The following RSRC1 variants were observed in gnomAD, a reference collection of about 807,000 sequenced individuals.
The protein encoded by RSRC1 is arginine and serine rich coiled-coil 1, also known as serine/Arginine-related protein 53.
RSRC1 carries 39 observed loss-of-function variants against 49.1 expected under a neutral mutation model. The observed-to-expected ratio is 0.79, with a 90% CI of 0.61 to 1.04. The LOEUF (loss-of-function observed/expected upper bound fraction) is 1.04, where lower values mean the gene tolerates loss of function less well. Ranked by LOEUF, RSRC1 falls within the 50% of genes least tolerant of loss-of-function variation. The pLI, the probability that RSRC1 is intolerant of heterozygous loss-of-function variation, is 0.00. For synonymous variants in RSRC1, 143 were observed against 130.8 expected (o/e 1.09, Z -0.63); for missense variants, 388 against 402.4 (o/e 0.96, Z 0.31).
intron 4 of RSRC1, among the ~76,000 whole-genome samples, chr3:158,271,236 A>G (rs1725500758): frequency 6.6e-6 from 1 of 152,192 alleles, no homozygotes; most frequent in Admixed American, 6.5e-5. Context: ...GGGATTATAA[A>G]AGGATTAAAA....
intron 4 of RSRC1, among the ~76,000 whole-genome samples, chr3:158,215,449 G>A (rs1363817985): frequency 1.3e-5 from 2 of 151,282 alleles, no homozygotes; most frequent in East Asian, 1.9e-4. Flanking sequence ...CTGAGAGTTA[G>A]TCTTTTAATT....
intron 3 of RSRC1, chr3:158,131,939 A>G (rs1004163612): frequency 5.4e-5 from 10 of 185,026 alleles, no homozygotes; most frequent in African/African-American, 2.3e-4. Flanking sequence ...CACACTGTAA[A>G]GGCCAGCATA....
intron 1 of RSRC1, among the ~76,000 whole-genome samples, chr3:158,115,480 T>G (rs1025085106): frequency 1.3e-5 from 2 of 152,150 alleles, no homozygotes; most frequent in African/African-American, 2.4e-5. Flanking sequence ...TCTGAAACAT[T>G]GTTGAGGACT....
At chr3:158,406,971 G>A (rs1182856308) in intron 6 of RSRC1, among the ~76,000 whole-genome samples, 1 of 152,044 alleles carries the variant, frequency 6.6e-6, no homozygotes, top group Non-Finnish European at 1.5e-5. Context: ...GTTTAGACCC[G>A]AGTAGGAGGA....
At chr3:158,144,961 T>C (rs1230807826) in intron 3 of RSRC1, among the ~76,000 whole-genome samples, 1 of 152,220 alleles carries the variant, frequency 6.6e-6, no homozygotes, top group Non-Finnish European at 1.5e-5. Flanking sequence ...TCATATCCTT[T>C]GCCCACTTGT....
chr3:158,242,032 C>CTTTTTTTTT lies in RSRC1; in HGVS notation c.494+38805_494+38813dup, dbSNP rs34356543. The stretch of plus-strand genomic sequence containing the variant: ...TTCTTTGTTTTTCTTAATTTCCAAC[C>CTTTTTTTTT]TTTTTTTTTTTTTTTTTTTTTTTTT... On this transcript the variant is annotated intron_variant, in intron 4 of 9. Coordinates refer to ENST00000611884, the MANE Select transcript of RSRC1 (RefSeq NM_001271838.2). Among the ~76,000 whole-genome samples, 6 of 66,616 alleles carry CTTTTTTTTT rather than the reference C, an allele frequency of 9.0e-5. 1 individual carries two copies. Among genetic ancestry groups the CTTTTTTTTT allele is most frequent in the African/African-American group, 2.6e-4 (4 of 15,298 alleles). The allele number at this position is 66,616 out of a possible 152,430, so 43.7% of individuals were successfully genotyped here.
intron 8 of RSRC1, among the ~76,000 whole-genome samples, chr3:158,540,201 A>G (rs1165969487): frequency 6.6e-6 from 1 of 152,182 alleles, no homozygotes; most frequent in Non-Finnish European, 1.5e-5. Context: ...TAGGGCCACA[A>G]ACCATCTAGG....
intron 5 of RSRC1, among the ~76,000 whole-genome samples, chr3:158,302,307 C>T (rs1727598112): frequency 6.6e-6 from 1 of 152,088 alleles, no homozygotes; most frequent in South Asian, 2.1e-4. Context: ...AGTGATGCTG[C>T]ATACTCAGTG....
chr3:158,370,693 T>C (rs1393229172), intron 6 of RSRC1, among the ~76,000 whole-genome samples: 1 of 151,882 alleles, frequency 6.6e-6, no homozygotes, highest in Non-Finnish European at 1.5e-5. Context: ...ATGGTTTTTA[T>C]GAGTAAAGCT....
chr3:158,536,284 TTAGAA>T (rs916246993), intron 7 of RSRC1, among the ~76,000 whole-genome samples: 2 of 151,412 alleles, frequency 1.3e-5, no homozygotes, highest in African/African-American at 2.4e-5. Context: ...AAGAATATCA[TTAGAA>T]TAAAATCAGC....
chr3:158,211,544 A>G (rs990491164), intron 4 of RSRC1, among the ~76,000 whole-genome samples: 14 of 152,106 alleles, frequency 9.2e-5, no homozygotes, highest in Middle Eastern at 3.4e-3. Context: ...GCCTGTTTAT[A>G]GAAAAGAATT....
In RSRC1 at chr3:158,512,475, T is replaced by C. The variant is rs1384449196; in HGVS notation, c.653-24617T>C. Among the ~76,000 whole-genome samples the C allele has an allele frequency of 7.2e-5, 11 of 152,206 alleles. No homozygotes were observed. The East Asian group carries it at 1.7e-3, about 24-fold the overall frequency. ...CTCTGTTCTGTTCCATTGATCTATA[T>C]CTGTGTTTTGGTACCAGTACCATGC... is the stretch of plus-strand genomic sequence containing the variant. On this transcript the variant is annotated intron_variant, in intron 7 of 9. Coordinates refer to ENST00000611884, the MANE Select transcript of RSRC1 (RefSeq NM_001271838.2).
intron 6 of RSRC1, among the ~76,000 whole-genome samples, chr3:158,424,879 A>G (rs1327209364): frequency 6.6e-6 from 1 of 151,982 alleles, no homozygotes; most frequent in Non-Finnish European, 1.5e-5. Context: ...ACGTGTTTGT[A>G]GTATTCTCTG....
chr3:158,432,928 T>C (rs1479747720), intron 6 of RSRC1, among the ~76,000 whole-genome samples: 1 of 151,906 alleles, frequency 6.6e-6, no homozygotes, highest in East Asian at 1.9e-4. Flanking sequence ...AAATATATTT[T>C]CAAACTAACA....
At chr3:158,196,172 G>T (rs557057054) in intron 3 of RSRC1, among the ~76,000 whole-genome samples, 1 of 80,430 alleles carries the variant, frequency 1.2e-5, no homozygotes, top group Non-Finnish European at 2.4e-5. Flanking sequence ...CTTTTATTTC[G>T]TTGAGCAGTG....
intron 6 of RSRC1, among the ~76,000 whole-genome samples, chr3:158,458,101 A>T (rs1386536865): frequency 6.6e-6 from 1 of 152,100 alleles, no homozygotes; most frequent in African/African-American, 2.4e-5. Context: ...AGTCTGAGAA[A>T]ATATAAGGGA....
At chr3:158,362,767 TA>T (rs1361804827) in intron 6 of RSRC1, among the ~76,000 whole-genome samples, 1 of 152,212 alleles carries the variant, frequency 6.6e-6, no homozygotes. Flanking sequence ...AAACATTATC[TA>T]GATTTTCTGC....
intron 6 of RSRC1, among the ~76,000 whole-genome samples, chr3:158,438,627 T>A (rs1736185049): frequency 6.6e-6 from 1 of 152,164 alleles, no homozygotes; most frequent in Non-Finnish European, 1.5e-5. Context: ...TGTAGAAAGC[T>A]GAAACTGGAT....
chr3:158,125,513 A>G (rs1256051716), intron 3 of RSRC1, among the ~76,000 whole-genome samples: 1 of 152,050 alleles, frequency 6.6e-6, no homozygotes, highest in South Asian at 2.1e-4. Context: ...TAATTTCTAC[A>G]TATTTGTGGA....
Sources: allele counts gnomAD v4.1 joint callset (sites outside exome capture counted in the v4.1 genomes callset), GRCh38; gene constraint gnomAD v4.1.1; transcripts MANE v1.5; gene names NCBI Gene and HGNC (gene_info 2026-07-23, HGNC 2026-07-21).